DDX27: variants seen among roughly 807,000 people sequenced by gnomAD.
DDX27 encodes the protein DEAD-box helicase 27.
Under a neutral mutation model 99.3 loss-of-function variants are expected in DDX27, and 42 were observed. The observed-to-expected ratio is 0.42, with a 90% CI of 0.33 to 0.55. DDX27 has a LOEUF of 0.55. DDX27 is among the 20% of genes least tolerant of loss of function. The probability of loss-of-function intolerance (pLI) is 0.07; values close to 1 mark genes in which losing one functional copy is unlikely to be tolerated. For missense variants in DDX27, 798 were observed against 976.8 expected (o/e 0.82, Z 2.44); for synonymous variants, 329 against 353.8 (o/e 0.93, Z 0.79).
At position 49,243,653 on chromosome 20, in the gene DDX27, G is replaced by T; in HGVS notation, c.2229G>T (p.Gln743His). Residue 743 changes from glutamine to histidine, a missense_variant, in exon 20 of 21, where the codon CAG becomes CAT. Gln to His is a conservative substitution (Grantham distance 24). This residue lies in a region of DDX27 where 553 missense variants were observed against 727.9 expected (regional missense o/e 0.76). Transcript: ENST00000618172. ...RAGPSFEERKQLGLPHQRRGG... is the reference protein window; with the variant it reads ...RAGPSFEERKHLGLPHQRRGG... ...GCCCTTCCTTTGAAGAAAGGAAACA[G>T]TTGGGCTTGCCCCACCAGAGACGAG... 1 of 1,614,200 alleles carries T rather than the reference G, an allele frequency of 6.2e-7. No individual in the cohort carries two copies. Among genetic ancestry groups the T allele is most frequent in the Non-Finnish European group, 8.5e-7 (1 of 1,180,040 alleles).
chr20:49,233,623 G>A lies in DDX27; in HGVS notation c.1187G>A (p.Ser396Asn), dbSNP rs1600972340. ...AATCCTGTCCGGATATTTGTGAACAGCAACACAGATGTGGCTCCCTTCCTG... is the reference window on the plus strand; with the variant it reads ...AATCCTGTCCGGATATTTGTGAACAACAACACAGATGTGGCTCCCTTCCTG... ...LKNPVRIFVNSNTDVAPFLRQ... is the reference protein window; with the variant it reads ...LKNPVRIFVNNNTDVAPFLRQ... Residue 396 changes from serine (S) to asparagine (N), a missense_variant, in exon 11 of 21, where the codon AGC becomes AAC. Transcript: ENST00000618172. The A allele has an allele frequency of 6.2e-7, 1 of 1,614,090 alleles. No individual in the cohort carries two copies. The highest frequency in any genetic ancestry group is 8.5e-7 in the Non-Finnish European group (1 of 1,179,950).
rs1329415631 is a variant in DDX27, at chr20:49,228,567, G to A, written c.707-148G>A. ...GGATTACATATGTGAGCCTGACCATGTGATTTGAAAGCAGAAAAAATATTC... is the reference window on the plus strand; with the variant it reads ...GGATTACATATGTGAGCCTGACCATATGATTTGAAAGCAGAAAAAATATTC... On this transcript the variant is annotated intron_variant, in intron 7 of 20. Coordinates refer to ENST00000618172, the MANE Select transcript of DDX27 (RefSeq NM_017895.8). The A allele has an allele frequency of 3.5e-6, 3 of 856,458 alleles. No individual in the cohort carries two copies. The East Asian group carries it at 8.4e-5, about 24-fold the overall frequency. 53.1% of individuals were successfully genotyped at this position (856,458 alleles called of 1,614,324 possible).
At chr20:49,239,512 C>A (rs1474173304) in intron 16 of DDX27, among the ~76,000 whole-genome samples, 174 bp downstream of exon 16, 1 of 152,100 alleles carries the variant, frequency 6.6e-6, no homozygotes, top group African/African-American at 2.4e-5. Flanking sequence ...GCATTAGATT[C>A]TCATAAGGAG....
chr20:49,223,156 G>C, intron 3 of DDX27, 112 bp from the exon 4 acceptor site: 1 of 1,373,758 alleles, frequency 7.3e-7, no homozygotes, highest in Admixed American at 2.2e-5. Context: ...CTGTGAATCT[G>C]TACTGAGAAT....
At chr20:49,222,620 T>A (rs1979730346) in intron 2 of DDX27, among the ~76,000 whole-genome samples, 1 of 152,070 alleles carries the variant, frequency 6.6e-6, no homozygotes, top group Non-Finnish European at 1.5e-5. Context: ...GTTCAAGCAA[T>A]TCTCTTGCCT....
chr20:49,221,674 G>GAA, intron 2 of DDX27, 76 bp downstream of exon 2: 10 of 1,308,766 alleles, frequency 7.6e-6, no homozygotes, highest in South Asian at 1.6e-5. Context: ...GCCTAGCCCT[G>GAA]ACCTGACTGA....
Position 49,230,255 on chromosome 20 carries a change from A to T in DDX27, c.937A>T (p.Ile313Phe). 1 of 1,613,394 alleles carries T rather than the reference A, an allele frequency of 6.2e-7. No homozygotes were observed. Among genetic ancestry groups the T allele is most frequent in the Non-Finnish European group, 8.5e-7 (1 of 1,180,010 alleles). The change falls in exon 9 of 21, where the codon ATC becomes TTC. Residue 313 changes from isoleucine to phenylalanine, a missense_variant. Physicochemically the swap from Ile to Phe is conservative, Grantham distance 21. Coordinates refer to ENST00000618172, the MANE Select transcript of DDX27 (RefSeq NM_017895.8). Reference protein sequence around the residue: ...AALRAAPDILIATPGRLIDHL... With the variant: ...AALRAAPDILFATPGRLIDHL... Reference sequence around the variant, plus strand: ...TCTTCGGGCAGCGCCTGACATCCTCATCGCCACCCCAGGCCGGCTCATCGA... The same window carrying T: ...TCTTCGGGCAGCGCCTGACATCCTCTTCGCCACCCCAGGCCGGCTCATCGA...
Position 49,222,994 on chromosome 20 carries a change from T to G in DDX27, c.278T>G (p.Val93Gly). 6.2e-7 allele frequency: 1 copy of G among 1,613,172 alleles called. No individual in the cohort carries two copies. Among genetic ancestry groups the G allele is most frequent in the Non-Finnish European group, 8.5e-7 (1 of 1,179,604 alleles). The change falls in exon 3 of 21, where the codon GTT becomes GGT. Residue 93 changes from valine (V) to glycine (G), a missense_variant. Transcript: ENST00000618172. ...ACATTAGATGAGAAGATTGAGAAAGTTCGAAAGAAAAGGAAAACAGAGGTG... is the reference window on the plus strand; with the variant it reads ...ACATTAGATGAGAAGATTGAGAAAGGTCGAAAGAAAAGGAAAACAGAGGTG... Reference protein sequence around the residue: ...ATTLDEKIEKVRKKRKTEDKE... With the variant: ...ATTLDEKIEKGRKKRKTEDKE...
intron 15 of DDX27, 61 bp downstream of exon 15, chr20:49,239,116 C>T (rs773623021): frequency 6.6e-7 from 1 of 1,518,288 alleles, no homozygotes; most frequent in South Asian, 1.1e-5. Flanking sequence ...TGCTGCATCC[C>T]TGCTGGTGCT....
Position 49,242,667 on chromosome 20 carries a change from A to G in DDX27, c.2190A>G (p.Lys730=), listed in dbSNP as rs775582699. The G allele has an allele frequency of 5.0e-6, 8 of 1,614,010 alleles. No homozygotes were observed. The change falls in exon 19 of 21, where the codon AAA becomes AAG. Residue 730 remains lysine (K), a synonymous_variant. Coordinates refer to ENST00000618172, the MANE Select transcript of DDX27 (RefSeq NM_017895.8). ...CCAACACAAGCAAGAAGGCCCTGAA[A>G]CAGTATCGAGCTGGGTAGGATTTTA... ...ELTNTSKKAL[K]QYRAGPSFEE...
At chr20:49,243,739 G>C (rs189916041) in intron 20 of DDX27, 36 bp downstream of exon 20, 2 of 1,613,516 alleles carry the variant, frequency 1.2e-6, no homozygotes, top group East Asian at 4.5e-5. Flanking sequence ...ATAGGTTTTG[G>C]GATTAGAGAT....
At chr20:49,224,410 G>A (rs1197329166) in intron 4 of DDX27, among the ~76,000 whole-genome samples, 1 of 140,698 alleles carries the variant, frequency 7.1e-6, no homozygotes, top group Non-Finnish European at 1.5e-5. Context: ...CACTCAGGCT[G>A]GAGTGCAAGT....
chr20:49,223,458 G>A (rs754392615), intron 4 of DDX27, 25 bp downstream of exon 4: 2 of 1,593,220 alleles, frequency 1.3e-6, no homozygotes, highest in South Asian at 1.1e-5. Flanking sequence ...GGAGGTGTCA[G>A]TAATGGGGAC....
chr20:49,236,519 G>A lies in DDX27; in HGVS notation c.1687+9G>A, dbSNP rs185828581. 1,328 of 1,566,868 alleles carry A rather than the reference G, an allele frequency of 8.5e-4. 16 individuals carry two copies. The African/African-American group carries it at 0.016, about 19-fold the overall frequency. On this transcript the variant is annotated intron_variant, in intron 14 of 20. Coordinates refer to ENST00000618172, the MANE Select transcript of DDX27 (RefSeq NM_017895.8). This position sits in a 1 kb window ranked among gnomAD's most constrained non-coding sequence, Gnocchi z 4.1. ...CAGGATACTTCCCCAAGGTGAGCAG[G>A]CACCCCTGTGGCAGTGCAGAATGGC...
In DDX27 at chr20:49,242,674, C is replaced by T. The variant is rs764372955; in HGVS notation, c.2197C>T (p.Arg733Ter). The change falls in exon 19 of 21, where the codon CGA (arginine) becomes TGA (stop). Residue 733 changes from arginine to a stop codon, truncating the protein, a stop_gained. Transcript: ENST00000618172. LOFTEE classifies it high-confidence loss of function. ...NTSKKALKQY[R>*]AGPSFEERKQ... is the part of the protein sequence containing the mutation. ...AAGCAAGAAGGCCCTGAAACAGTATCGAGCTGGGTAGGATTTTAAGTCATC... is the reference window on the plus strand; with the variant it reads ...AAGCAAGAAGGCCCTGAAACAGTATTGAGCTGGGTAGGATTTTAAGTCATC... 1.9e-6 allele frequency: 3 copies of T among 1,611,976 alleles called. No individual in the cohort carries two copies. The highest frequency in any genetic ancestry group is 1.7e-5 in the Admixed American group (1 of 59,812).
intron 9 of DDX27, among the ~76,000 whole-genome samples, chr20:49,233,021 G>A (rs868546038): frequency 6.6e-6 from 1 of 152,188 alleles, no homozygotes; most frequent in African/African-American, 2.4e-5. Context: ...AAAGTCTTGG[G>A]TGTGTTGATG....
chr20:49,239,179 C>A, intron 15 of DDX27, 57 bp from the exon 16 acceptor site: 2 of 1,576,728 alleles, frequency 1.3e-6, no homozygotes, highest in Middle Eastern at 1.7e-4. Flanking sequence ...CAGCCCGTGG[C>A]TTCCTGTGTT....
At chr20:49,221,187 C>G (rs1371023415) in intron 1 of DDX27, among the ~76,000 whole-genome samples, 1 of 152,192 alleles carries the variant, frequency 6.6e-6, no homozygotes, top group Non-Finnish European at 1.5e-5. Flanking sequence ...GTCTTGAACT[C>G]CTGACCTTGT....
intron 4 of DDX27, 110 bp downstream of exon 4, chr20:49,223,543 T>G: frequency 3.7e-6 from 4 of 1,081,500 alleles, no homozygotes; most frequent in Non-Finnish European, 5.2e-6. Context: ...TTTAAGCTGT[T>G]CTGCCTACTA....
Sources: allele counts gnomAD v4.1 joint callset (sites outside exome capture counted in the v4.1 genomes callset), GRCh38; gene constraint gnomAD v4.1.1; regional missense constraint gnomAD v4.1.1; non-coding constraint Gnocchi (gnomAD v3.1); transcripts MANE v1.5; gene names NCBI Gene and HGNC (gene_info 2026-07-23, HGNC 2026-07-21).